Variants in SPDL1 observed in about 807,000 individuals in gnomAD.
SPDL1 encodes protein Spindly.
Under a neutral mutation model 79.5 loss-of-function variants are expected in SPDL1, and 85 were observed. That is an observed-to-expected ratio of 1.07 (90% CI 0.90 to 1.28). The LOEUF is 1.28. SPDL1 is among the 50% of genes most tolerant of loss of function. The probability of loss-of-function intolerance (pLI) is 0.00; values close to 1 mark genes in which losing one functional copy is unlikely to be tolerated. For missense variants in SPDL1, 703 were observed against 697.8 expected, an observed-to-expected ratio of 1.01 and a Z score of -0.08; for synonymous variants, 269 against 240.3, an observed-to-expected ratio of 1.12 and a Z score of -1.10.
At chr5:169,598,404 CTAT>C in intron 8 of SPDL1, 69 bp from the exon 9 acceptor site, 1 of 926,976 alleles carries the variant, frequency 1.1e-6, no homozygotes, top group South Asian at 1.4e-5. Context: ...AGTGATGGTG[CTAT>C]TATTAATAAA....
At chr5:169,598,635 AGT>A in intron 9 of SPDL1, 56 bp downstream of exon 9, 2 of 1,379,898 alleles carry the variant, frequency 1.4e-6, no homozygotes, top group Non-Finnish European at 1.0e-6. Context: ...TTACTATGGT[AGT>A]GTCAGTGACT....
chr5:169,603,011 A>T (rs548508977), intron 11 of SPDL1, among the ~76,000 whole-genome samples: 21 of 152,226 alleles, frequency 1.4e-4, no homozygotes, highest in South Asian at 6.2e-4. Flanking sequence ...ATAAAAAATC[A>T]CTTAAGCAAA....
intron 1 of SPDL1, among the ~76,000 whole-genome samples, chr5:169,585,123 C>T (rs1332989534): frequency 6.6e-6 from 1 of 152,136 alleles, no homozygotes; most frequent in African/African-American, 2.4e-5. Flanking sequence ...GATAGGTTAA[C>T]TCTTTCTCAT....
At position 169,593,566 on chromosome 5, in the gene SPDL1, TGTTTCTCAGG is replaced by T. The variant is rs572007850; in HGVS notation, c.531+23_531+32del. On this transcript the variant is annotated intron_variant, in intron 4 of 11. Transcript: ENST00000265295. ...GTATGAAGGTAATTTTTATGGCATG[TGTTTCTCAGG>T]GTTTTCTCTTTTTTTTTCTGGCATA... The T allele has an allele frequency of 2.5e-5, 38 of 1,543,964 alleles. No individual in the cohort carries two copies. In the East Asian group the frequency reaches 8.5e-4, roughly 34 times the overall value.
At chr5:169,592,251 C>CT (rs1755330127) in intron 3 of SPDL1, among the ~76,000 whole-genome samples, 1 of 124,242 alleles carries the variant, frequency 8.0e-6, no homozygotes, top group Non-Finnish European at 1.6e-5. Flanking sequence ...GAGTCTCACA[C>CT]TGTCGCCCAG....
chr5:169,593,345 T>G lies in SPDL1; in HGVS notation c.337-9T>G, dbSNP rs756979369. ...TTTCAATTTATGACTTTTTTTTTTT[T>G]GGCTTTAGATAGAAAAACTGAAAGT... On this transcript the variant is annotated splice_polypyrimidine_tract_variant and intron_variant, in intron 3 of 11. Transcript: ENST00000265295. 216 of 1,560,294 alleles carry G rather than the reference T, an allele frequency of 1.4e-4. 1 individual carries two copies. Among genetic ancestry groups the G allele is most frequent in the Non-Finnish European group, 2.2e-5 (25 of 1,157,446 alleles).
At chr5:169,586,315 C>T (rs1176261630) in intron 1 of SPDL1, 1 of 152,324 alleles carries the variant, frequency 6.6e-6, no homozygotes. Context: ...CTCCCACCTC[C>T]TTAATACACT....
At chr5:169,591,294 T>C in intron 3 of SPDL1, 70 bp downstream of exon 3, 1 of 1,507,740 alleles carries the variant, frequency 6.6e-7, no homozygotes, top group Non-Finnish European at 9.0e-7. Flanking sequence ...CTTTAGATGA[T>C]AAAGATTTTC....
At chr5:169,590,525 C>G (rs1476598296) in intron 2 of SPDL1, among the ~76,000 whole-genome samples, 1 of 152,066 alleles carries the variant, frequency 6.6e-6, no homozygotes. Flanking sequence ...AAGCAAAAGC[C>G]CTTTTAATTA....
At chr5:169,585,898 C>A (rs1745249705) in intron 1 of SPDL1, 1 of 152,198 alleles carries the variant, frequency 6.6e-6, no homozygotes, top group Non-Finnish European at 1.5e-5. Flanking sequence ...AATGAAATAT[C>A]CATGCTTCTA....
At chr5:169,603,522 T>G (rs189123775) in intron 11 of SPDL1, among the ~76,000 whole-genome samples, 1 of 152,274 alleles carries the variant, frequency 6.6e-6, no homozygotes, top group East Asian at 1.9e-4. Context: ...TTTCTTTAAT[T>G]TAGGGCTTGC....
intron 9 of SPDL1, among the ~76,000 whole-genome samples, 183 bp downstream of exon 9, chr5:169,598,762 C>T (rs1344849923): frequency 3.3e-5 from 5 of 152,182 alleles, no homozygotes; most frequent in Non-Finnish European, 5.9e-5. Flanking sequence ...CTCCTTTGTC[C>T]ATTTCCTTTC....
chr5:169,601,767 C>G (rs1357919342), intron 11 of SPDL1, 142 bp downstream of exon 11: 1 of 814,746 alleles, frequency 1.2e-6, no homozygotes, highest in South Asian at 1.5e-5. Context: ...TACCTACCTT[C>G]AACTTTTCCA....
intron 10 of SPDL1, 146 bp from the exon 11 acceptor site, chr5:169,601,134 G>GAA: frequency 1.5e-6 from 1 of 646,560 alleles, no homozygotes; most frequent in Admixed American, 3.1e-5. Context: ...ATAAAAGGTA[G>GAA]AAACAAAGGA....
chr5:169,599,988 A>G (rs2113384085), intron 10 of SPDL1, among the ~76,000 whole-genome samples: 2 of 152,350 alleles, frequency 1.3e-5, no homozygotes, highest in East Asian at 3.9e-4. Context: ...TGAGCTGGAA[A>G]GTAGCCTAAC....
chr5:169,599,124 A>C lies in SPDL1; in HGVS notation c.1289A>C (p.Lys430Thr). 4 of 1,573,900 alleles carry C rather than the reference A, an allele frequency of 2.5e-6. No individual in the cohort carries two copies. The highest frequency in any genetic ancestry group is 3.5e-6 in the Non-Finnish European group (4 of 1,153,436). ...AGTGAAAATATGAAACTGAGAGCTA[A>C]ACTAGATGAATTGAAACTAAAATAT... is the stretch of plus-strand genomic sequence containing the variant. ...SESENMKLRA[K>T]LDELKLKYEP... Residue 430 changes from lysine to threonine, a missense_variant, in exon 10 of 12, where the codon AAA becomes ACA. Lys to Thr is a moderately conservative substitution (Grantham distance 78, BLOSUM62 -1). Transcript: ENST00000265295.
Position 169,594,595 on chromosome 5 carries a change from G to A in SPDL1, c.805G>A (p.Glu269Lys). ...AEVEDRRAAM[E>K]RQLISMKVKY... is the part of the protein sequence containing the mutation. ...GGTGGAAGATCGAAGGGCAGCAATG[G>A]AACGTCAGCTCATCAGTATGAAAGT... Residue 269 changes from glutamate (E) to lysine (K), a missense_variant, in exon 7 of 12, where the codon GAA becomes AAA. By Grantham distance (56) the Glu-to-Lys change is moderately conservative. Transcript: ENST00000265295. 6.2e-7 allele frequency: 1 copy of A among 1,614,002 alleles called. No individual in the cohort carries two copies. Among genetic ancestry groups the A allele is most frequent in the Non-Finnish European group, 8.5e-7 (1 of 1,179,890 alleles).
intron 9 of SPDL1, 115 bp from the exon 10 acceptor site, chr5:169,598,857 C>G: frequency 1.5e-6 from 2 of 1,342,248 alleles, no homozygotes; most frequent in Non-Finnish European, 2.0e-6. Context: ...TTACTAAAAA[C>G]CCCAGAAAAA....
At chr5:169,592,555 C>T (rs902927991) in intron 3 of SPDL1, among the ~76,000 whole-genome samples, 1 of 152,064 alleles carries the variant, frequency 6.6e-6, no homozygotes, top group African/African-American at 2.4e-5. Context: ...TCCCAGTATA[C>T]ACTAAAACAA....
Sources: gnomAD v4.1 joint callset for allele counts (sites outside exome capture counted in the v4.1 genomes callset) on GRCh38, gnomAD v4.1.1 for gene constraint, MANE v1.5 for transcripts, NCBI Gene and HGNC (gene_info 2026-07-23, HGNC 2026-07-21) for gene names.